Variants in KCNT2 observed in about 807,000 individuals in gnomAD.
KCNT2 encodes potassium channel subfamily T member 2.
A neutral mutation model predicts 153.8 loss-of-function variants in KCNT2; 67 were observed. The observed-to-expected ratio is 0.44, with a 90% CI of 0.36 to 0.53. The LOEUF is 0.53. KCNT2 is among the 20% of genes least tolerant of loss of function. The pLI, the probability that KCNT2 is intolerant of heterozygous loss-of-function variation, is 0.00. For synonymous variants in KCNT2, 500 were observed against 458.8 expected (o/e 1.09, Z -1.15); for missense variants, 975 against 1,354.8 (o/e 0.72, Z 4.40).
intron 1 of KCNT2, among the ~76,000 whole-genome samples, chr1:196,587,741 T>C (rs1662862961): frequency 6.6e-6 from 1 of 152,022 alleles, no homozygotes; most frequent in African/African-American, 2.4e-5. Context: ...AAATAACCCA[T>C]AGAGTATGTA....
At chr1:196,579,246 C>T (rs1032844175) in intron 1 of KCNT2, among the ~76,000 whole-genome samples, 4 of 151,980 alleles carry the variant, frequency 2.6e-5, no homozygotes, top group Non-Finnish European at 4.4e-5. Flanking sequence ...TACAGCATGT[C>T]CTCACATAAA....
chr1:196,515,090 A>C (rs568972869), intron 1 of KCNT2, among the ~76,000 whole-genome samples: 1 of 152,328 alleles, frequency 6.6e-6, no homozygotes, highest in African/African-American at 2.4e-5. Flanking sequence ...GGAAACTTTT[A>C]GGTCCTGGCT....
chr1:196,567,542 C>T (rs1457184568), intron 1 of KCNT2, among the ~76,000 whole-genome samples: 1 of 152,066 alleles, frequency 6.6e-6, no homozygotes, highest in Non-Finnish European at 1.5e-5. Flanking sequence ...AAGATGAGGT[C>T]CAGAGAAGGC....
At chr1:196,508,369 A>G (rs6680722) in intron 1 of KCNT2, among the ~76,000 whole-genome samples, 130,018 of 151,816 alleles carry the variant, frequency 0.86, 56,532 homozygotes, top group South Asian at 0.99. Context: ...GAAACAAAAC[A>G]AAAACAAAAA....
intron 12 of KCNT2, among the ~76,000 whole-genome samples, chr1:196,415,513 AAT>A (rs150510696): frequency 6.0e-5 from 9 of 149,934 alleles, no homozygotes; most frequent in Non-Finnish European, 7.4e-5. Flanking sequence ...CCTATATATA[AAT>A]ATATATATAT....
intron 16 of KCNT2, among the ~76,000 whole-genome samples, chr1:196,334,423 AT>A (rs1664789145): frequency 6.9e-6 from 1 of 144,284 alleles, no homozygotes; most frequent in Non-Finnish European, 1.5e-5. Context: ...GACCATGTCC[AT>A]TTTGTGAATT....
At chr1:196,312,146 A>G (rs575550629) in intron 21 of KCNT2, among the ~76,000 whole-genome samples, 20 of 151,864 alleles carry the variant, frequency 1.3e-4, no homozygotes, top group Middle Eastern at 6.8e-3. Flanking sequence ...TGTAAATAAA[A>G]ACCCTTTTGG....
intron 1 of KCNT2, among the ~76,000 whole-genome samples, chr1:196,576,734 G>A (rs970129306): frequency 6.6e-5 from 10 of 151,948 alleles, no homozygotes; most frequent in African/African-American, 2.4e-4. Flanking sequence ...TATGTTTATA[G>A]TATGCAGTTA....
intron 1 of KCNT2, among the ~76,000 whole-genome samples, chr1:196,523,228 G>A (rs560269841): frequency 1.3e-5 from 2 of 152,174 alleles, no homozygotes; most frequent in South Asian, 2.1e-4. Flanking sequence ...GCAAGACCAC[G>A]AACCCACCGG....
chr1:196,307,833 C>T (rs1362771184), intron 21 of KCNT2, among the ~76,000 whole-genome samples: 1 of 151,998 alleles, frequency 6.6e-6, no homozygotes, highest in African/African-American at 2.4e-5. Flanking sequence ...AAAAAAATGT[C>T]AATTGACTTT....
chr1:196,246,851 A>G (rs944095906), intron 26 of KCNT2, among the ~76,000 whole-genome samples: 2 of 152,168 alleles, frequency 1.3e-5, no homozygotes, highest in Non-Finnish European at 2.9e-5. Context: ...GAAGATGAGA[A>G]GGAAGGAAAG....
At chr1:196,391,269 C>T (rs1670464831) in intron 13 of KCNT2, among the ~76,000 whole-genome samples, 1 of 151,358 alleles carries the variant, frequency 6.6e-6, no homozygotes, top group Non-Finnish European at 1.5e-5. Context: ...ACATCTTCTT[C>T]ATCATTATGT....
At chr1:196,290,824 T>C (rs1446819052) in intron 22 of KCNT2, among the ~76,000 whole-genome samples, 2 of 152,058 alleles carry the variant, frequency 1.3e-5, no homozygotes, top group African/African-American at 4.8e-5. Flanking sequence ...CTCTTTCCCT[T>C]TTCCCCATAA....
chr1:196,598,352 T>C (rs1240573342), intron 1 of KCNT2, among the ~76,000 whole-genome samples: 1 of 152,184 alleles, frequency 6.6e-6, no homozygotes, highest in African/African-American at 2.4e-5. Flanking sequence ...AATAATAATC[T>C]ATACCCCCAT....
At chr1:196,297,854 A>G (rs1660818327) in intron 22 of KCNT2, among the ~76,000 whole-genome samples, 1 of 152,114 alleles carries the variant, frequency 6.6e-6, no homozygotes, top group Non-Finnish European at 1.5e-5. Flanking sequence ...TTGTTTTCAT[A>G]TATCTGTGTC....
chr1:196,411,446 T>TAAAAA (rs35196093), intron 12 of KCNT2, among the ~76,000 whole-genome samples: 2 of 96,316 alleles, frequency 2.1e-5, no homozygotes, highest in Admixed American at 1.1e-4. Context: ...CTATTCCAGT[T>TAAAAA]AAAAAAAAAA....
chr1:196,512,436 G>A (rs1407115306), intron 1 of KCNT2, among the ~76,000 whole-genome samples: 2 of 152,006 alleles, frequency 1.3e-5, no homozygotes, highest in African/African-American at 4.8e-5. Context: ...CCAGCATATC[G>A]AAACTTAAAT....
intron 13 of KCNT2, among the ~76,000 whole-genome samples, chr1:196,384,217 T>C (rs531388306): frequency 1.3e-5 from 2 of 152,294 alleles, no homozygotes; most frequent in East Asian, 3.9e-4. Context: ...TTAACTTCAA[T>C]TGAAGTGACT....
intron 14 of KCNT2, among the ~76,000 whole-genome samples, chr1:196,364,484 T>C (rs1667880199): frequency 6.6e-6 from 1 of 152,158 alleles, no homozygotes; most frequent in East Asian, 1.9e-4. Context: ...GCATTTTGGC[T>C]TAATGTGTTT....
Sources: allele counts gnomAD v4.1 joint callset (sites outside exome capture counted in the v4.1 genomes callset), GRCh38; gene constraint gnomAD v4.1.1; transcripts MANE v1.5; gene names NCBI Gene and HGNC (gene_info 2026-07-23, HGNC 2026-07-21).